Variants in NFASC observed in about 807,000 individuals in gnomAD.
The protein encoded by NFASC is neurofascin homolog.
A neutral mutation model predicts 147.5 loss-of-function variants in NFASC; 43 were observed. The observed-to-expected ratio is 0.29, with a 90% CI of 0.23 to 0.38. The LOEUF (loss-of-function observed/expected upper bound fraction) is 0.38. NFASC is among the 10% of genes least tolerant of loss of function. NFASC has a pLI of 1.00. For missense variants in NFASC, 1,320 were observed against 1,689.0 expected (o/e 0.78, Z 3.83); for synonymous variants, 622 against 665.5 (o/e 0.93, Z 1.01).
intron 1 of NFASC, among the ~76,000 whole-genome samples, chr1:204,849,126 C>A (rs2075435910): frequency 1.3e-5 from 2 of 152,180 alleles, no homozygotes; most frequent in South Asian, 4.1e-4. Flanking sequence ...TGATCAAAGC[C>A]AGAGGGTGGG....
chr1:204,929,987 G>C (rs2092195578), intron 2 of NFASC, among the ~76,000 whole-genome samples: 1 of 152,188 alleles, frequency 6.6e-6, no homozygotes, highest in Non-Finnish European at 1.5e-5. Flanking sequence ...GTGGCCATGG[G>C]GATCAGAGGG....
chr1:204,934,988 C>T (rs2092708771), intron 2 of NFASC, among the ~76,000 whole-genome samples: 1 of 152,190 alleles, frequency 6.6e-6, no homozygotes, highest in Admixed American at 6.5e-5. Flanking sequence ...ACTGTCTTAG[C>T]CTCAAGGAAT....
At chr1:204,906,439 TGTC>T (rs2149264138) in intron 1 of NFASC, among the ~76,000 whole-genome samples, 1 of 152,336 alleles carries the variant, frequency 6.6e-6, no homozygotes, top group Admixed American at 6.5e-5. Context: ...TTTTCTAGAA[TGTC>T]GTATAAATGA....
At chr1:204,949,330 A>G (rs2093969701) in intron 3 of NFASC, among the ~76,000 whole-genome samples, 2 of 152,010 alleles carry the variant, frequency 1.3e-5, no homozygotes, top group South Asian at 4.1e-4. Context: ...TGCCCTCTCT[A>G]AGCCCCCAGA....
intron 29 of NFASC, among the ~76,000 whole-genome samples, chr1:205,013,504 C>CA (rs1313187374): frequency 6.6e-6 from 1 of 152,196 alleles, no homozygotes; most frequent in East Asian, 1.9e-4. Context: ...CCAAGGTCCC[C>CA]ACCCAGTGAG....
chr1:204,906,841 G>A (rs899529706), intron 1 of NFASC, among the ~76,000 whole-genome samples: 3 of 151,978 alleles, frequency 2.0e-5, no homozygotes, highest in Admixed American at 1.3e-4. Flanking sequence ...CCGCCACCCT[G>A]CCCGGCTAAT....
chr1:204,989,931 G>T (rs1426585424), intron 23 of NFASC: 1 of 152,248 alleles, frequency 6.6e-6, no homozygotes. Context: ...CCTGGCCCAG[G>T]CCCAGACGGG....
intron 24 of NFASC, among the ~76,000 whole-genome samples, chr1:204,996,850 C>G (rs950272693): frequency 1.2e-4 from 18 of 152,186 alleles, no homozygotes; most frequent in African/African-American, 4.3e-4. Context: ...CATGCCATCC[C>G]TGGGGTCTGA....
At chr1:204,960,296 C>T (rs2094604314) in intron 8 of NFASC, among the ~76,000 whole-genome samples, 1 of 152,198 alleles carries the variant, frequency 6.6e-6, no homozygotes, top group African/African-American at 2.4e-5. Context: ...ATGCAAAATA[C>T]TGGGTAATCT....
chr1:204,926,394 ATATATATATATATTTTTTTTT>A lies in NFASC; in HGVS notation c.-91+5656_-91+5676del, dbSNP rs1352315517. ...TCTTTTTTCATGTATATATATATAT[ATATATATATATATTTTTTTTT>A]TTTTTTTTTTTTTTTTTTGAGAGAG... On this transcript the variant is annotated intron_variant, in intron 2 of 29. Transcript: ENST00000339876. Among the ~76,000 whole-genome samples, 107 of 16,798 alleles carry A rather than the reference ATATATATATATATTTTTTTTT, an allele frequency of 6.4e-3. 1 individual carries two copies. The highest frequency in any genetic ancestry group is 0.011 in the African/African-American group (74 of 6,568). The allele number at this position is 16,798 out of a possible 152,430, so 11.0% of individuals were successfully genotyped here. A position where few individuals can be genotyped will look rare whatever the true frequency, so the allele number is the denominator to read the frequency against.
At chr1:205,004,029 G>A (rs1418548309) in intron 27 of NFASC, among the ~76,000 whole-genome samples, 9 of 152,264 alleles carry the variant, frequency 5.9e-5, no homozygotes, top group Non-Finnish European at 1.3e-4. Flanking sequence ...GCAAGGCCAG[G>A]CAACTGGACA....
At chr1:204,973,851 G>A (rs2595946) in intron 12 of NFASC, among the ~76,000 whole-genome samples, 140,377 of 152,074 alleles carry the variant, frequency 0.92, 65,627 homozygotes, top group East Asian at 0.99. Flanking sequence ...TGCTGTACCC[G>A]CTGGGCAGGG....
rs959638581 is a variant in NFASC at position 204,946,203 on chromosome 1, A to G, written c.91+1797A>G. 1.3e-4 allele frequency: 54 copies of G among 418,968 alleles called. No individual in the cohort carries two copies. In the East Asian group the frequency reaches 3.8e-3, roughly 30 times the overall value. The allele number at this position is 418,968 out of a possible 1,614,324, so 26.0% of individuals were successfully genotyped here. A position where few individuals can be genotyped will look rare whatever the true frequency, so the allele number is the denominator to read the frequency against. ...CAAGCCTTTGCTAGCTTAGAGTCAC[A>G]CAGCAAATGGTTGGTGGAAACAAAA... On this transcript the variant is annotated intron_variant, in intron 3 of 29. Coordinates refer to ENST00000339876, the MANE Select transcript of NFASC (RefSeq NM_001005388.3).
At chr1:204,989,861 C>T (rs2095686872) in intron 23 of NFASC, 1 of 152,430 alleles carries the variant, frequency 6.6e-6, no homozygotes, top group East Asian at 1.9e-4. Context: ...TGAGTGGGCA[C>T]TCTGGAAGCT....
At chr1:204,901,810 G>T (rs1217654631) in intron 1 of NFASC, among the ~76,000 whole-genome samples, 1 of 152,162 alleles carries the variant, frequency 6.6e-6, no homozygotes, top group Non-Finnish European at 1.5e-5. Context: ...GAGGAGGATT[G>T]CTGGAGCATT....
At chr1:205,012,907 C>T (rs767507263) in intron 29 of NFASC, 41 bp downstream of exon 29, 14 of 1,454,232 alleles carry the variant, frequency 9.6e-6, no homozygotes, top group Non-Finnish European at 1.4e-5. Flanking sequence ...AGGCTGTCCT[C>T]CCTGTCCCTG....
intron 2 of NFASC, among the ~76,000 whole-genome samples, chr1:204,935,956 C>T (rs933270318): frequency 7.2e-5 from 11 of 152,184 alleles, no homozygotes; most frequent in African/African-American, 2.4e-4. Flanking sequence ...TCTGCCTTTA[C>T]TGTGGTTCTT....
chr1:204,971,828 C>T (rs952446882), intron 11 of NFASC, among the ~76,000 whole-genome samples: 23 of 152,114 alleles, frequency 1.5e-4, no homozygotes, highest in African/African-American at 5.3e-4. Flanking sequence ...CACTGCCTGC[C>T]CTCTACAGTT....
chr1:204,963,902 C>T (rs940703643), intron 8 of NFASC, among the ~76,000 whole-genome samples: 5 of 152,304 alleles, frequency 3.3e-5, no homozygotes, highest in East Asian at 1.9e-4. Flanking sequence ...AAATATGGCA[C>T]GTCTCTTTTG....
Sources: allele counts gnomAD v4.1 joint callset (sites outside exome capture counted in the v4.1 genomes callset), GRCh38; gene constraint gnomAD v4.1.1; transcripts MANE v1.5; gene names NCBI Gene and HGNC (gene_info 2026-07-23, HGNC 2026-07-21).